PAX3: variants seen among roughly 807,000 people sequenced by gnomAD.
PAX3 encodes the protein paired box protein Pax-3.
PAX3 carries 14 observed loss-of-function variants against 51.6 expected under a neutral mutation model. The ratio of observed to expected loss-of-function variants is 0.27; its 90% confidence interval spans 0.18 to 0.42. The LOEUF (loss-of-function observed/expected upper bound fraction) is 0.42, where lower values mean the gene tolerates loss of function less well. PAX3 is among the 10% of genes least tolerant of loss of function. The pLI is 1.00. For missense variants in PAX3, 540 were observed against 642.8 expected (o/e 0.84, Z 1.73); for synonymous variants, 280 against 253.4 (o/e 1.11, Z -1.00).
At chr2:222,293,612 CAACTTCAAACA>C in intron 4 of PAX3, 2 of 1,611,092 alleles carry the variant, frequency 1.2e-6, no homozygotes, top group Non-Finnish European at 1.7e-6. Flanking sequence ...ATTTGAAAAT[CAACTTCAAACA>C]AATCAAACCA....
At chr2:222,203,653 C>A (rs895142072) in intron 7 of PAX3, among the ~76,000 whole-genome samples, 4 of 151,940 alleles carry the variant, frequency 2.6e-5, no homozygotes, top group African/African-American at 4.8e-5. Flanking sequence ...AGGCGGGGGG[C>A]GGGTCTAGTT....
intron 4 of PAX3, among the ~76,000 whole-genome samples, chr2:222,253,921 G>T (rs1343953329): frequency 1.3e-5 from 2 of 152,138 alleles, no homozygotes; most frequent in Non-Finnish European, 2.9e-5. Flanking sequence ...TCCCAAAGTG[G>T]CTGGGAATAT....
intron 5 of PAX3, 48 bp downstream of exon 5, chr2:222,232,030 G>A (rs1247028605): frequency 1.9e-6 from 3 of 1,550,752 alleles, no homozygotes; most frequent in Non-Finnish European, 2.7e-6. Context: ...ATGCTTGTTT[G>A]TTTCCTGTCT....
At chr2:222,295,693 G>C (rs1360772483) in intron 2 of PAX3, 36 bp from the exon 3 acceptor site, 3 of 1,613,152 alleles carry the variant, frequency 1.9e-6, no homozygotes, top group East Asian at 2.2e-5. Flanking sequence ...TTGGTACCCG[G>C]TACCCTGGGC....
At chr2:222,255,917 A>ATTTTTTTTTTTTTTTTT (rs57757180) in intron 4 of PAX3, among the ~76,000 whole-genome samples, 50 of 98,338 alleles carry the variant, frequency 5.1e-4, no homozygotes, top group Non-Finnish European at 5.7e-4. Context: ...CGCCCAGCTA[A>ATTTTTTTTTTTTTTTTT]TTTTTTTTTT....
chr2:222,222,279 T>C (rs1392835708), intron 5 of PAX3, among the ~76,000 whole-genome samples: 4 of 152,170 alleles, frequency 2.6e-5, no homozygotes, highest in Non-Finnish European at 5.9e-5. Flanking sequence ...AACTCTTACA[T>C]CTGCAAAGTT....
intron 3 of PAX3, 107 bp from the exon 4 acceptor site, chr2:222,294,408 C>T (rs1695177650): frequency 1.6e-6 from 2 of 1,238,722 alleles, no homozygotes; most frequent in East Asian, 2.4e-5. Flanking sequence ...GCCCTAGAGC[C>T]GCTGCCCTGC....
intron 4 of PAX3, among the ~76,000 whole-genome samples, chr2:222,251,323 C>T (rs1693423037): frequency 6.6e-6 from 1 of 151,464 alleles, no homozygotes; most frequent in African/African-American, 2.4e-5. Context: ...TCTCATTGTT[C>T]AATTCCCACC....
At chr2:222,298,262 G>T in intron 1 of PAX3, 1 of 506,336 alleles carries the variant, frequency 2.0e-6, no homozygotes, top group Non-Finnish European at 3.5e-6. Context: ...TCTCCACCGC[G>T]GCATTTCCAA....
intron 4 of PAX3, among the ~76,000 whole-genome samples, chr2:222,246,013 A>G (rs1267929334): frequency 1.3e-5 from 2 of 151,984 alleles, no homozygotes; most frequent in African/African-American, 4.8e-5. Context: ...AGAAGGATCA[A>G]CTTTCCTTTC....
At chr2:222,260,593 T>G (rs140826996) in intron 4 of PAX3, among the ~76,000 whole-genome samples, 22 of 79,030 alleles carry the variant, frequency 2.8e-4, no homozygotes, top group African/African-American at 6.9e-4. Flanking sequence ...TTTTTTTTGT[T>G]TTTTTTTTTT....
In PAX3 at chr2:222,200,952, AACATCG is replaced by A. The variant is rs1235718303; in HGVS notation, c.*450_*455del. 1.7e-6 allele frequency: 1 copy of A among 587,418 alleles called. No individual in the cohort carries two copies. Among genetic ancestry groups the A allele is most frequent in the African/African-American group, 1.9e-5 (1 of 53,636 alleles). 36.4% of individuals were successfully genotyped at this position (587,418 alleles called of 1,614,324 possible). A position where few individuals can be genotyped will look rare whatever the true frequency, so the allele number is the denominator to read the frequency against. ...TAAAGTTGTAGAAGTATCAGCATCG[AACATCG>A]ACATGTTATACTTTAGGGTATTCTA... On this transcript the variant is annotated 3_prime_UTR_variant, in exon 9 of 9. Coordinates refer to ENST00000392070, the MANE Select transcript of PAX3 (RefSeq NM_181458.4).
At chr2:222,297,878 C>T (rs1252744604) in intron 1 of PAX3, among the ~76,000 whole-genome samples, 1 of 152,154 alleles carries the variant, frequency 6.6e-6, no homozygotes, top group Non-Finnish European at 1.5e-5. Context: ...CGATGAGCAT[C>T]TCTGCTGGGG....
At chr2:222,239,529 G>GA (rs143192344) in intron 4 of PAX3, among the ~76,000 whole-genome samples, 4,520 of 151,486 alleles carry the variant, frequency 0.03, 202 homozygotes, top group African/African-American at 0.1. Flanking sequence ...TATGCAGGTG[G>GA]AAAAAAAACA....
At position 222,232,162 on chromosome 2, in the gene PAX3, A is replaced by T. The variant is rs781111916; in HGVS notation, c.708T>A (p.Arg236=). 5.6e-6 allele frequency: 9 copies of T among 1,613,990 alleles called. No individual in the cohort carries two copies. In the East Asian group the frequency reaches 8.9e-5, roughly 16 times the overall value. ...FTAEQLEELE[R]AFERTHYPDI... Reference sequence around the variant, plus strand: ...CAGGGTAATGAGTTCTCTCAAAAGCACGCTCCAGTTCCTCCAGCTGTTCTG... The same window carrying T: ...CAGGGTAATGAGTTCTCTCAAAAGCTCGCTCCAGTTCCTCCAGCTGTTCTG... Residue 236 remains arginine, a synonymous_variant, in exon 5 of 9, where the codon CGT becomes CGA. Coordinates refer to ENST00000392070, the MANE Select transcript of PAX3 (RefSeq NM_181458.4).
At chr2:222,273,778 A>G (rs1025874699) in intron 4 of PAX3, among the ~76,000 whole-genome samples, 1 of 151,198 alleles carries the variant, frequency 6.6e-6, no homozygotes, top group Non-Finnish European at 1.5e-5. Context: ...TTTTTTTCCT[A>G]TTGAGAAACT....
At chr2:222,252,321 CTA>C in intron 4 of PAX3, among the ~76,000 whole-genome samples, 1 of 152,296 alleles carries the variant, frequency 6.6e-6, no homozygotes, top group South Asian at 2.1e-4. Context: ...TAGGTGCTTA[CTA>C]TGCACCAGGT....
At position 222,201,034 on chromosome 2, in the gene PAX3, T is replaced by TACACACACACAC; in HGVS notation, c.*362_*373dup. 1 of 800,440 alleles carries TACACACACACAC rather than the reference T, an allele frequency of 1.2e-6. No individual in the cohort carries two copies. The allele number at this position is 800,440 out of a possible 1,614,324, so 49.6% of individuals were successfully genotyped here. On this transcript the variant is annotated 3_prime_UTR_variant, in exon 9 of 9. Coordinates refer to ENST00000392070, the MANE Select transcript of PAX3 (RefSeq NM_181458.4). Reference sequence around the variant, plus strand: ...CCAAACCAGTCTGGGTAAATCTCAATACACACACACACACACACACGCACG... The same window carrying TACACACACACAC: ...CCAAACCAGTCTGGGTAAATCTCAATACACACACACACACACACACACACACACACACGCACG...
intron 7 of PAX3, among the ~76,000 whole-genome samples, chr2:222,219,122 C>T (rs917223361): frequency 6.6e-6 from 1 of 152,118 alleles, no homozygotes; most frequent in African/African-American, 2.4e-5. Context: ...TTAGAATGCC[C>T]TCTTGGTGCT....
Sources: gnomAD v4.1 joint callset for allele counts (sites outside exome capture counted in the v4.1 genomes callset) on GRCh38, gnomAD v4.1.1 for gene constraint, MANE v1.5 for transcripts, NCBI Gene and HGNC (gene_info 2026-07-23, HGNC 2026-07-21) for gene names.